The following MFNG variants were observed in gnomAD, a reference collection of about 807,000 sequenced individuals.
MFNG encodes beta-1,3-N-acetylglucosaminyltransferase manic fringe.
A neutral mutation model predicts 34.2 loss-of-function variants in MFNG; 24 were observed. The observed-to-expected ratio is 0.70, with a 90% confidence interval of 0.51 to 0.99. The LOEUF is 0.99. Among genes scored for constraint, MFNG ranks in the 50% least tolerant of loss-of-function variants. The pLI is 0.00. For missense variants in MFNG, 383 were observed against 424.0 expected, an observed-to-expected ratio of 0.90 and a Z score of 0.85; for synonymous variants, 158 against 179.2, an observed-to-expected ratio of 0.88 and a Z score of 0.94.
intron 7 of MFNG, among the ~76,000 whole-genome samples, chr22:37,471,726 G>A (rs965829150): frequency 6.6e-6 from 1 of 151,554 alleles, no homozygotes; most frequent in African/African-American, 2.4e-5. Flanking sequence ...AGCTATTCGG[G>A]AGGCTGAGGC....
intron 6 of MFNG, 53 bp from the exon 7 acceptor site, chr22:37,472,581 G>A: frequency 2.0e-6 from 3 of 1,486,220 alleles, no homozygotes; most frequent in South Asian, 1.2e-5. Flanking sequence ...ATCCCCACAA[G>A]GGGGCAGCAT....
intron 6 of MFNG, 61 bp from the exon 7 acceptor site, chr22:37,472,589 C>T: frequency 7.0e-7 from 1 of 1,432,868 alleles, no homozygotes; most frequent in East Asian, 2.6e-5. Context: ...AAGGGGGCAG[C>T]ATCCTGGCAC....
intron 2 of MFNG, 174 bp from the exon 3 acceptor site, chr22:37,480,473 C>T (rs1269215246): frequency 3.1e-6 from 2 of 655,428 alleles, no homozygotes; most frequent in Non-Finnish European, 5.3e-6. Flanking sequence ...GGACCACAGA[C>T]CTAGTGGACA....
At chr22:37,471,854 A>AAAAAAAC in intron 7 of MFNG, among the ~76,000 whole-genome samples, 2 of 150,436 alleles carry the variant, frequency 1.3e-5, no homozygotes, top group African/African-American at 2.4e-5. Context: ...AAAAAAAAAA[A>AAAAAAAC]AGCCACAGCT....
rs766814916 is a variant in MFNG at position 37,482,898 on chromosome 22, G to T, written c.256-2129C>A. Among the ~76,000 whole-genome samples the T allele has an allele frequency of 6.6e-6, 1 of 152,144 alleles. No homozygotes were observed. The highest frequency in any genetic ancestry group is 2.4e-5 in the African/African-American group (1 of 41,440). Reference sequence around the variant, plus strand: ...GGGAAATGGTGGTGGTCCAAGCCTAGACCCTGGTCCGCTTCTCCATGAAGC... The same window carrying T: ...GGGAAATGGTGGTGGTCCAAGCCTATACCCTGGTCCGCTTCTCCATGAAGC... On this transcript the variant is annotated intron_variant, in intron 1 of 7. Transcript: ENST00000356998. This position sits in a 1 kb window ranked among gnomAD's most constrained non-coding sequence, Gnocchi z 4.1.
chr22:37,470,992 C>A (rs184644757), intron 7 of MFNG, among the ~76,000 whole-genome samples: 19 of 152,302 alleles, frequency 1.2e-4, no homozygotes, highest in Middle Eastern at 3.4e-3. Flanking sequence ...AGGTCCTTCA[C>A]GTTACCTCCT....
intron 7 of MFNG, among the ~76,000 whole-genome samples, chr22:37,470,944 C>T (rs1400595226): frequency 2.6e-5 from 4 of 152,194 alleles, no homozygotes; most frequent in Admixed American, 2.6e-4. Context: ...AGTGATCTGC[C>T]ACCTGCTCTT....
At position 37,469,567 on chromosome 22, in the gene MFNG, G is replaced by GC; in HGVS notation, c.*395dup. The GC allele has an allele frequency of 2.9e-6, 1 of 350,658 alleles. No individual in the cohort carries two copies. The highest frequency in any genetic ancestry group is 5.6e-6 in the Non-Finnish European group (1 of 178,036). The allele number at this position is 350,658 out of a possible 1,614,324, so 21.7% of individuals were successfully genotyped here. A position where few individuals can be genotyped will look rare whatever the true frequency, so the allele number is the denominator to read the frequency against. ...CAGGAGTGGGCGGCCCAGCGCTTGA[G>GC]CCCCAGGGGAATGACTGAGAGACAT... On this transcript the variant is annotated 3_prime_UTR_variant, in exon 8 of 8. Coordinates refer to ENST00000356998, the MANE Select transcript of MFNG (RefSeq NM_002405.4).
At chr22:37,478,580 T>G (rs1011932532) in intron 4 of MFNG, among the ~76,000 whole-genome samples, 203 of 150,892 alleles carry the variant, frequency 1.3e-3, no homozygotes, top group African/African-American at 4.7e-3. Flanking sequence ...CTAGTGGAGG[T>G]GTCTGGAGGG....
intron 5 of MFNG, 98 bp from the exon 6 acceptor site, chr22:37,474,775 G>T: frequency 7.4e-7 from 1 of 1,349,182 alleles, no homozygotes; most frequent in Non-Finnish European, 1.0e-6. Flanking sequence ...CAAGCTGGCA[G>T]AACAGAGCAC....
chr22:37,471,208 T>G (rs1921786582), intron 7 of MFNG, among the ~76,000 whole-genome samples: 1 of 152,154 alleles, frequency 6.6e-6, no homozygotes, highest in Admixed American at 6.5e-5. Context: ...CTCTACTCGT[T>G]ACCTCCCTGA....
intron 1 of MFNG, among the ~76,000 whole-genome samples, chr22:37,484,926 C>A (rs917076128): frequency 6.6e-6 from 1 of 152,172 alleles, no homozygotes; most frequent in Admixed American, 6.5e-5. Flanking sequence ...TCTCCAAAGA[C>A]TCAGTCACTT....
chr22:37,482,601 G>T lies in MFNG; in HGVS notation c.256-1832C>A, dbSNP rs190691217. On this transcript the variant is annotated intron_variant, in intron 1 of 7. Coordinates refer to ENST00000356998, the MANE Select transcript of MFNG (RefSeq NM_002405.4). The surrounding 1 kb of genome is among the most constrained non-coding windows in gnomAD (Gnocchi z 4.1). ...CTGACACCCCTCCAGCTACTTTAGA[G>T]GCCCCTGCTATGTGTTCCTCAGCCC... Among the ~76,000 whole-genome samples the T allele has an allele frequency of 8.7e-4, 132 of 152,252 alleles. 1 individual carries two copies. Among genetic ancestry groups the T allele is most frequent in the Non-Finnish European group, 1.0e-4 (7 of 68,012 alleles).
At position 37,483,199 on chromosome 22, in the gene MFNG, C is replaced by T. The variant is rs1163816282; in HGVS notation, c.256-2430G>A. Among the ~76,000 whole-genome samples the T allele has an allele frequency of 6.6e-6, 1 of 152,178 alleles. No homozygotes were observed. Among genetic ancestry groups the T allele is most frequent in the Non-Finnish European group, 1.5e-5 (1 of 68,032 alleles). On this transcript the variant is annotated intron_variant, in intron 1 of 7. Coordinates refer to ENST00000356998, the MANE Select transcript of MFNG (RefSeq NM_002405.4). The surrounding 1 kb of genome is among the most constrained non-coding windows in gnomAD (Gnocchi z 4.5). The stretch of plus-strand genomic sequence containing the variant: ...CTTCCCGAGCCTGTCATCAATTCTG[C>T]TCACCAGCCTCCAAATCGTCTGGGA...
chr22:37,480,116 G>A (rs1306538425), intron 3 of MFNG, 81 bp downstream of exon 3: 13 of 1,146,200 alleles, frequency 1.1e-5, no homozygotes, highest in Non-Finnish European at 1.6e-5. Context: ...AGTGGGGGCT[G>A]AAGTCAGACC....
intron 1 of MFNG, among the ~76,000 whole-genome samples, chr22:37,481,839 C>A (rs1306874874): frequency 6.6e-6 from 1 of 152,246 alleles, no homozygotes; most frequent in Non-Finnish European, 1.5e-5. Flanking sequence ...TCCCTTGAAG[C>A]TCAGCGCCTC....
chr22:37,474,251 G>A (rs1601794625), intron 6 of MFNG, among the ~76,000 whole-genome samples: 1 of 152,136 alleles, frequency 6.6e-6, no homozygotes, highest in African/African-American at 2.4e-5. Context: ...GGTCCTTCCC[G>A]GCATTTGAGG....
At chr22:37,470,843 T>C (rs1275650114) in intron 7 of MFNG, among the ~76,000 whole-genome samples, 1 of 152,156 alleles carries the variant, frequency 6.6e-6, no homozygotes, top group Non-Finnish European at 1.5e-5. Flanking sequence ...CTTCTCCACA[T>C]TCCAGTCACA....
At chr22:37,480,339 CCCCCCTTCAGAG>C in intron 2 of MFNG, 40 bp from the exon 3 acceptor site, 2 of 1,527,226 alleles carry the variant, frequency 1.3e-6, no homozygotes, top group Non-Finnish European at 1.8e-6. Flanking sequence ...CTGCCCAGGT[CCCCCCTTCAGAG>C]CCCTGAACAC....
Sources: gnomAD v4.1 joint callset for allele counts (sites outside exome capture counted in the v4.1 genomes callset) on GRCh38, gnomAD v4.1.1 for gene constraint, Gnocchi (gnomAD v3.1) non-coding constraint, MANE v1.5 for transcripts, NCBI Gene and HGNC (gene_info 2026-07-23, HGNC 2026-07-21) for gene names.